The following FRAS1 variants were observed in gnomAD, a reference collection of about 807,000 sequenced individuals.
The protein encoded by FRAS1 is Fraser extracellular matrix complex subunit 1.
A neutral mutation model predicts 435.2 loss-of-function variants in FRAS1; 290 were observed. The observed-to-expected ratio is 0.67, with a 90% CI of 0.61 to 0.73. The LOEUF is 0.73. Ranked by LOEUF, FRAS1 falls within the 30% of genes least tolerant of loss-of-function variation. FRAS1 has a pLI of 0.00. For synonymous variants in FRAS1, 1,800 were observed against 1,851.0 expected (o/e 0.97, Z 0.71); for missense variants, 4,860 against 5,001.5 (o/e 0.97, Z 0.85).
rs1228029446 is a variant in FRAS1 at position 78,508,979 on chromosome 4, C to T, written c.9753C>T (p.Asn3251=). The change falls in exon 63 of 74, where the codon AAC becomes AAT. Residue 3251 remains asparagine, a synonymous_variant. Transcript: ENST00000512123. ...CTCCCTTTGAAACCATCACTGACAA[C>T]ACACCATTCACCAGTGTCAACCACA... is the stretch of plus-strand genomic sequence containing the variant. ...ARSPFETITD[N]TPFTSVNHMV... 7 of 1,614,000 alleles carry T rather than the reference C, an allele frequency of 4.3e-6. No individual in the cohort carries two copies. In the Admixed American group the frequency reaches 1.0e-4, roughly 23 times the overall value.
chr4:78,464,148 A>G lies in FRAS1; in HGVS notation c.6888+3A>G. 1 of 1,607,288 alleles carries G rather than the reference A, an allele frequency of 6.2e-7. No individual in the cohort carries two copies. The highest frequency in any genetic ancestry group is 8.5e-7 in the Non-Finnish European group (1 of 1,177,640). On this transcript the variant is annotated splice_donor_region_variant and intron_variant, in intron 48 of 73. Transcript: ENST00000512123. ...CACTGTCTGATGGAGTCAGTGAGGTAGGTGAGGCACTGAACTCCATCCTTG... is the reference window on the plus strand; with the variant it reads ...CACTGTCTGATGGAGTCAGTGAGGTGGGTGAGGCACTGAACTCCATCCTTG...
chr4:78,261,185 A>C (rs1316446475), intron 6 of FRAS1, among the ~76,000 whole-genome samples: 4 of 151,950 alleles, frequency 2.6e-5, no homozygotes, highest in Middle Eastern at 3.2e-3. Flanking sequence ...GCTTTAATTA[A>C]GTCTTTTTTA....
intron 2 of FRAS1, chr4:78,068,504 G>T (rs1358427125): frequency 2.2e-6 from 1 of 456,182 alleles, no homozygotes; most frequent in East Asian, 6.9e-5. Context: ...GAGGATGGCA[G>T]GGGTCAGAGC....
At chr4:78,494,571 T>C (rs978073614) in intron 59 of FRAS1, among the ~76,000 whole-genome samples, 1 of 152,206 alleles carries the variant, frequency 6.6e-6, no homozygotes, top group Non-Finnish European at 1.5e-5. Flanking sequence ...CCTGTGAGAA[T>C]GGCACCAAGC....
Position 78,159,880 on chromosome 4 carries a change from CA to C in FRAS1, c.109-77623del, listed in dbSNP as rs542717902. 1.5e-3 allele frequency among the ~76,000 whole-genome samples: 229 copies of C among 152,044 alleles called. 2 individuals carry two copies. Among genetic ancestry groups the C allele is most frequent in the Non-Finnish European group, 2.5e-3 (173 of 67,956 alleles). On this transcript the variant is annotated intron_variant, in intron 2 of 73. Coordinates refer to ENST00000512123, the MANE Select transcript of FRAS1 (RefSeq NM_025074.7). ...TGGGTGACAGAGTGAGACTCCATCT[CA>C]AAAAAACAAAACAAAAACAAACCAA...
chr4:78,313,979 C>T (rs953404796), intron 15 of FRAS1, among the ~76,000 whole-genome samples: 1 of 152,176 alleles, frequency 6.6e-6, no homozygotes, highest in Admixed American at 6.6e-5. Flanking sequence ...CCTCTCTGCA[C>T]CTGTCATGAC....
Position 78,303,352 on chromosome 4 carries a change from G to T in FRAS1, c.1535-4714G>T, listed in dbSNP as rs934439218. ...ACTTGGCGATGGAGGCTCTTTTTTG[G>T]TTCCATATGAACTTTAAAGTAGTTT... On this transcript the variant is annotated intron_variant, in intron 14 of 73. Transcript: ENST00000512123. Among the ~76,000 whole-genome samples, 5 of 152,082 alleles carry T rather than the reference G, an allele frequency of 3.3e-5. No individual in the cohort carries two copies. The South Asian group carries it at 8.3e-4, about 25-fold the overall frequency.
intron 4 of FRAS1, among the ~76,000 whole-genome samples, chr4:78,252,044 A>G (rs1293836236): frequency 1.3e-5 from 2 of 152,224 alleles, no homozygotes; most frequent in Non-Finnish European, 2.9e-5. Context: ...GTCATTATGA[A>G]GAACACAGTA....
At chr4:78,082,833 A>C (rs1165753376) in intron 2 of FRAS1, among the ~76,000 whole-genome samples, 2 of 152,158 alleles carry the variant, frequency 1.3e-5, no homozygotes, top group Non-Finnish European at 2.9e-5. Flanking sequence ...TTAAAAGCAA[A>C]AATTAGCAGC....
chr4:78,529,547 A>G (rs1721648579), intron 70 of FRAS1, among the ~76,000 whole-genome samples: 1 of 152,096 alleles, frequency 6.6e-6, no homozygotes, highest in Admixed American at 6.6e-5. Context: ...TTATGGTTAT[A>G]CCTCATGTAT....
rs548109826 is a variant in FRAS1 at position 78,121,853 on chromosome 4, T to C, written c.108+55837T>C. ...AATTGGCAGTTGGAATAGGAATAGC[T>C]CTTGGATGGTAAATCTTGGGATGCC... is the stretch of plus-strand genomic sequence containing the variant. On this transcript the variant is annotated intron_variant, in intron 2 of 73. Coordinates refer to ENST00000512123, the MANE Select transcript of FRAS1 (RefSeq NM_025074.7). Among the ~76,000 whole-genome samples the C allele has an allele frequency of 1.5e-3, 231 of 152,244 alleles. 1 individual carries two copies. The highest frequency in any genetic ancestry group is 5.3e-3 in the African/African-American group (219 of 41,540).
chr4:78,137,464 T>C (rs13133346), intron 2 of FRAS1, among the ~76,000 whole-genome samples: 24,842 of 152,242 alleles, frequency 0.16, 2,212 homozygotes, highest in Admixed American at 0.2. Flanking sequence ...TTGAAGATTA[T>C]AGATTTTTTA....
intron 18 of FRAS1, among the ~76,000 whole-genome samples, chr4:78,331,806 T>C (rs1729961294): frequency 6.6e-6 from 1 of 152,232 alleles, no homozygotes; most frequent in Non-Finnish European, 1.5e-5. Flanking sequence ...CAATGACAAA[T>C]GAATGATTGG....
At position 78,441,160 on chromosome 4, in the gene FRAS1, AG is replaced by A; in HGVS notation, c.5530del. 6.2e-7 allele frequency: 1 copy of A among 1,613,694 alleles called. No homozygotes were observed. Among genetic ancestry groups the A allele is most frequent in the Non-Finnish European group, 8.5e-7 (1 of 1,179,752 alleles). On this transcript the variant is annotated splice_acceptor_variant, in intron 40 of 73. Transcript: ENST00000512123. LOFTEE classifies it high-confidence loss of function. ...GACTCTCTATGTTCTTTTCTTTCTT[AG>A]GTTGATGAGGGAGGGAGAGCACCAC...
At chr4:78,430,483 G>A in intron 37 of FRAS1, 66 bp downstream of exon 37, 1 of 1,535,986 alleles carries the variant, frequency 6.5e-7, no homozygotes, top group Non-Finnish European at 8.8e-7. Flanking sequence ...ACAATCAGTT[G>A]TTATGTGTCT....
chr4:78,333,907 A>G lies in FRAS1; in HGVS notation c.2278+495A>G, dbSNP rs543468326. Among the ~76,000 whole-genome samples the G allele has an allele frequency of 6.9e-4, 105 of 152,070 alleles. 1 individual carries two copies. In the Middle Eastern group the frequency reaches 0.027, roughly 39 times the overall value. On this transcript the variant is annotated intron_variant, in intron 19 of 73. Transcript: ENST00000512123. ...TCACCTCGGCCTCCTGGGCTCAAGC[A>G]GTCCTCCCACCTCAGCCTCATGAGT...
chr4:78,184,070 C>T (rs146137064), intron 2 of FRAS1, among the ~76,000 whole-genome samples: 204 of 152,188 alleles, frequency 1.3e-3, no homozygotes, highest in African/African-American at 4.6e-3. Context: ...ATCTACGTCC[C>T]GTATGATTGT....
chr4:78,239,979 G>A (rs17003072), intron 3 of FRAS1, among the ~76,000 whole-genome samples: 2,741 of 151,322 alleles, frequency 0.018, 85 homozygotes, highest in African/African-American at 0.062. Context: ...GGTATTTTTC[G>A]TTTACTGTCT....
intron 72 of FRAS1, among the ~76,000 whole-genome samples, chr4:78,538,769 A>C (rs574730341): frequency 1.9e-4 from 29 of 152,226 alleles, no homozygotes; most frequent in African/African-American, 6.7e-4. Flanking sequence ...CCTAGCTAAC[A>C]CAGTGAAACT....
Sources: allele counts gnomAD v4.1 joint callset (sites outside exome capture counted in the v4.1 genomes callset), GRCh38; gene constraint gnomAD v4.1.1; transcripts MANE v1.5; gene names NCBI Gene and HGNC (gene_info 2026-07-23, HGNC 2026-07-21).